PTK2: variants seen among roughly 807,000 people sequenced by gnomAD.
The protein encoded by PTK2 is protein tyrosine kinase 2, also known as focal adhesion kinase 1.
A neutral mutation model predicts 150.1 loss-of-function variants in PTK2; 45 were observed. The observed-to-expected ratio is 0.30, with a 90% CI of 0.24 to 0.38. PTK2 has a LOEUF of 0.38. Ranked by LOEUF, PTK2 falls within the 10% of genes least tolerant of loss-of-function variation. PTK2 has a pLI of 1.00. For synonymous variants in PTK2, 432 were observed against 449.2 expected (o/e 0.96, Z 0.48); for missense variants, 919 against 1,307.3 (o/e 0.70, Z 4.58).
intron 14 of PTK2, among the ~76,000 whole-genome samples, chr8:140,773,396 A>G (rs553812517): frequency 6.6e-6 from 1 of 152,238 alleles, no homozygotes; most frequent in Non-Finnish European, 1.5e-5. Flanking sequence ...AGTAAATTTT[A>G]TGGCATGTCA....
At chr8:140,768,849 T>C (rs1381150364) in intron 14 of PTK2, among the ~76,000 whole-genome samples, 2 of 152,222 alleles carry the variant, frequency 1.3e-5, no homozygotes, top group East Asian at 1.9e-4. Flanking sequence ...TAGCTCGTTA[T>C]ACTCGTTATC....
intron 1 of PTK2, among the ~76,000 whole-genome samples, chr8:140,926,896 T>C (rs1049238050): frequency 6.6e-6 from 1 of 152,216 alleles, no homozygotes; most frequent in Non-Finnish European, 1.5e-5. Context: ...TTAATCTAAG[T>C]AGTATTTTTA....
chr8:140,926,837 A>G (rs1408011049), intron 1 of PTK2, among the ~76,000 whole-genome samples: 1 of 152,232 alleles, frequency 6.6e-6, no homozygotes, highest in Non-Finnish European at 1.5e-5. Context: ...AATGGCATAA[A>G]AACTATTTCA....
intron 1 of PTK2, among the ~76,000 whole-genome samples, chr8:140,929,315 C>A (rs1186021566): frequency 6.6e-6 from 1 of 152,116 alleles, no homozygotes; most frequent in Non-Finnish European, 1.5e-5. Context: ...GAGTAAATCT[C>A]ATTTATATTT....
At chr8:140,738,979 A>G (rs992212202) in intron 21 of PTK2, 39 bp downstream of exon 24, 9 of 1,369,342 alleles carry the variant, frequency 6.6e-6, no homozygotes, top group South Asian at 1.5e-5. Context: ...CATATGAAAT[A>G]TAATTTTTAA....
intron 1 of PTK2, among the ~76,000 whole-genome samples, chr8:140,932,302 C>T (rs1226799406): frequency 6.6e-6 from 1 of 152,136 alleles, no homozygotes; most frequent in Admixed American, 6.5e-5. Flanking sequence ...GCAACCACCA[C>T]CTCCCAGGTT....
intron 22 of PTK2, among the ~76,000 whole-genome samples, chr8:140,733,161 A>G (rs2100050550): frequency 6.6e-6 from 1 of 152,168 alleles, no homozygotes; most frequent in South Asian, 2.1e-4. Flanking sequence ...GGGCAGGCAC[A>G]AGGAGTGAAG....
At chr8:140,813,946 A>C (rs1471006166) in intron 10 of PTK2, among the ~76,000 whole-genome samples, 2 of 152,168 alleles carry the variant, frequency 1.3e-5, no homozygotes, top group Non-Finnish European at 2.9e-5. Flanking sequence ...ACCTAAGTAA[A>C]CACAACTAGA....
chr8:140,672,556 T>A (rs999533211), intron 29 of PTK2, among the ~76,000 whole-genome samples: 2 of 152,124 alleles, frequency 1.3e-5, no homozygotes, highest in Admixed American at 1.3e-4. Flanking sequence ...CCTAGCCCAG[T>A]TGGTACTTTC....
intron 12 of PTK2, among the ~76,000 whole-genome samples, chr8:140,796,705 C>T (rs2100091812): frequency 6.6e-6 from 1 of 152,100 alleles, no homozygotes; most frequent in Non-Finnish European, 1.5e-5. Flanking sequence ...TCAGTAGAAG[C>T]AGCATTTAAG....
intron 26 of PTK2, among the ~76,000 whole-genome samples, chr8:140,692,135 T>C (rs2100023536): frequency 6.6e-6 from 1 of 152,220 alleles, no homozygotes; most frequent in African/African-American, 2.4e-5. Flanking sequence ...AATGTGGTAT[T>C]TTCCTAAAGA....
At position 140,972,168 on chromosome 8, in the gene PTK2, T is replaced by G. The variant is rs142939774; in HGVS notation, c.-122+28957A>C. ...AAGTTCAAACTCTAATTTAGCCAAA[T>G]GTTATCCACCTCCTCCCCTAAAAAA... is the stretch of plus-strand genomic sequence containing the variant. On this transcript the variant is annotated intron_variant, in intron 1 of 31. Transcript: ENST00000522684. 7.8e-3 allele frequency among the ~76,000 whole-genome samples: 1,130 copies of G among 144,998 alleles called. 12 individuals are homozygous for G. Among genetic ancestry groups the G allele is most frequent in the African/African-American group, 0.025 (1,044 of 41,304 alleles).
chr8:140,865,946 G>C (rs899064532), intron 4 of PTK2, among the ~76,000 whole-genome samples: 1 of 152,004 alleles, frequency 6.6e-6, no homozygotes, highest in Non-Finnish European at 1.5e-5. Flanking sequence ...CACCATGGCT[G>C]GCTAACTTTT....
chr8:140,694,976 C>CA (rs1281217031), intron 26 of PTK2, among the ~76,000 whole-genome samples: 3 of 151,836 alleles, frequency 2.0e-5, no homozygotes, highest in Non-Finnish European at 2.9e-5. Context: ...CCCAGTGCAC[C>CA]AAGCTTTCCA....
At chr8:140,820,917 G>C (rs1371854062) in intron 8 of PTK2, 1 of 152,330 alleles carries the variant, frequency 6.6e-6, no homozygotes, top group African/African-American at 2.4e-5. Flanking sequence ...TGGCTGCTAA[G>C]TCAGGTACAC....
chr8:140,852,109 A>T (rs1332776817), intron 5 of PTK2, among the ~76,000 whole-genome samples: 1 of 152,206 alleles, frequency 6.6e-6, no homozygotes, highest in African/African-American at 2.4e-5. Context: ...TAGGATTAAA[A>T]GTCAATTCTC....
chr8:140,684,276 G>C (rs2100018592), intron 27 of PTK2, among the ~76,000 whole-genome samples: 10 of 152,222 alleles, frequency 6.6e-5, no homozygotes. Flanking sequence ...TCAGGCATTA[G>C]AGTCTCATAA....
intron 7 of PTK2, among the ~76,000 whole-genome samples, chr8:140,831,117 G>T (rs1024213989): frequency 2.0e-5 from 3 of 152,134 alleles, no homozygotes; most frequent in African/African-American, 7.2e-5. Flanking sequence ...TTATGGAAAT[G>T]CTGGAAATCG....
chr8:140,770,073 T>C (rs1343896120), intron 14 of PTK2, among the ~76,000 whole-genome samples: 1 of 152,212 alleles, frequency 6.6e-6, no homozygotes, highest in African/African-American at 2.4e-5. Context: ...GATTTAAATA[T>C]TATAAGGTAG....
Sources: allele counts gnomAD v4.1 joint callset (sites outside exome capture counted in the v4.1 genomes callset), GRCh38; gene constraint gnomAD v4.1.1; transcripts MANE v1.5; gene names NCBI Gene and HGNC (gene_info 2026-07-23, HGNC 2026-07-21).